The following AHCYL2 variants were observed in gnomAD, a reference collection of about 807,000 sequenced individuals.
AHCYL2 encodes S-adenosylhomocysteine hydrolase-like protein 2.
Under a neutral mutation model 81.4 loss-of-function variants are expected in AHCYL2, and 28 were observed. The ratio of observed to expected loss-of-function variants is 0.34; its 90% CI spans 0.25 to 0.47. AHCYL2 has a LOEUF of 0.47. AHCYL2 is among the 20% of genes least tolerant of loss of function. The pLI is 1.00. For missense variants in AHCYL2, 551 were observed against 785.1 expected, an observed-to-expected ratio of 0.70 and a Z score of 3.56; for synonymous variants, 272 against 290.2, an observed-to-expected ratio of 0.94 and a Z score of 0.64.
Position 129,413,640 on chromosome 7 carries a change from T to C in AHCYL2, c.1413T>C (p.Asn471=), listed in dbSNP as rs771999640. 6 of 1,614,066 alleles carry C rather than the reference T, an allele frequency of 3.7e-6. No homozygotes were observed. The African/African-American group carries it at 4.0e-5, about 11-fold the overall frequency. Residue 471 remains asparagine, a synonymous_variant, in exon 12 of 17, where the codon AAT becomes AAC. Coordinates refer to ENST00000325006, the MANE Select transcript of AHCYL2 (RefSeq NM_015328.4). The part of the protein sequence containing the change: ...VTREHLDRMK[N]SCIVCNMGHS... ...GAGAGCACTTGGACCGTATGAAGAA[T>C]AGCTGCATCGTTTGTAACATGGGAC...
intron 1 of AHCYL2, among the ~76,000 whole-genome samples, chr7:129,247,126 A>G (rs1795090257): frequency 6.6e-6 from 1 of 152,170 alleles, no homozygotes; most frequent in South Asian, 2.1e-4. Flanking sequence ...ATGTGTAATT[A>G]TTTCATATAA....
At chr7:129,380,932 A>C (rs941928336) in intron 2 of AHCYL2, among the ~76,000 whole-genome samples, 1 of 152,140 alleles carries the variant, frequency 6.6e-6, no homozygotes, top group Non-Finnish European at 1.5e-5. Flanking sequence ...GTAGAGATGG[A>C]ATCTCACCAT....
chr7:129,233,604 CA>C (rs1794528527), intron 1 of AHCYL2, among the ~76,000 whole-genome samples: 1 of 152,184 alleles, frequency 6.6e-6, no homozygotes, highest in South Asian at 2.1e-4. Flanking sequence ...TCTCCTGCCT[CA>C]GCCTCATGAG....
chr7:129,422,720 C>T, intron 12 of AHCYL2, 120 bp from the exon 13 acceptor site: 1 of 760,268 alleles, frequency 1.3e-6, no homozygotes, highest in Non-Finnish European at 2.2e-6. Context: ...CAGGTATTCT[C>T]CATCTGGCAT....
At chr7:129,246,461 C>G (rs1371016961) in intron 1 of AHCYL2, among the ~76,000 whole-genome samples, 1 of 152,138 alleles carries the variant, frequency 6.6e-6, no homozygotes, top group Non-Finnish European at 1.5e-5. Context: ...CTGATCCCAC[C>G]CTCTGCCCCA....
At chr7:129,253,283 GAGA>G (rs1437522200) in intron 1 of AHCYL2, among the ~76,000 whole-genome samples, 5 of 152,138 alleles carry the variant, frequency 3.3e-5, no homozygotes, top group African/African-American at 7.2e-5. Context: ...TCCCAATCTT[GAGA>G]AGAAGAAGGG....
chr7:129,275,721 A>G (rs535431925), intron 1 of AHCYL2, among the ~76,000 whole-genome samples: 1 of 152,338 alleles, frequency 6.6e-6, no homozygotes, highest in African/African-American at 2.4e-5. Context: ...ATAGAATACA[A>G]AATATGTAGA....
chr7:129,389,806 A>C, intron 4 of AHCYL2, 72 bp downstream of exon 4: 1 of 1,279,508 alleles, frequency 7.8e-7, no homozygotes. Flanking sequence ...AGCTTACAAC[A>C]TGCCAAGCAC....
At chr7:129,255,896 G>A (rs1247113106) in intron 1 of AHCYL2, among the ~76,000 whole-genome samples, 4 of 152,080 alleles carry the variant, frequency 2.6e-5, no homozygotes, top group African/African-American at 4.8e-5. Context: ...CCTGGAAAGC[G>A]GAGGTTGCAA....
chr7:129,426,402 G>C lies in AHCYL2; in HGVS notation c.1709-41G>C. ...TGGGGACAATAGCCATCAGATAAAA[G>C]GCATGAATGCTTATACCAGGGCTTC... On this transcript the variant is annotated intron_variant, in intron 15 of 16. Coordinates refer to ENST00000325006, the MANE Select transcript of AHCYL2 (RefSeq NM_015328.4). The surrounding 1 kb of genome is among the most constrained non-coding windows in gnomAD (Gnocchi z 4.3). 1 of 1,613,948 alleles carries C rather than the reference G, an allele frequency of 6.2e-7. No homozygotes were observed. Among genetic ancestry groups the C allele is most frequent in the Non-Finnish European group, 8.5e-7 (1 of 1,179,876 alleles).
intron 12 of AHCYL2, among the ~76,000 whole-genome samples, chr7:129,418,839 G>A (rs1043085264): frequency 2.0e-5 from 3 of 152,194 alleles, no homozygotes; most frequent in African/African-American, 4.8e-5. Flanking sequence ...ATTTCTGACT[G>A]TAGAAAGTGG....
intron 1 of AHCYL2, among the ~76,000 whole-genome samples, chr7:129,335,673 A>G (rs1798576179): frequency 6.6e-6 from 1 of 152,088 alleles, no homozygotes; most frequent in East Asian, 1.9e-4. Flanking sequence ...CTGGCAGTTG[A>G]TTTTGGCCAT....
At chr7:129,363,270 G>A (rs2150845777) in intron 1 of AHCYL2, among the ~76,000 whole-genome samples, 1 of 152,138 alleles carries the variant, frequency 6.6e-6, no homozygotes, top group Admixed American at 6.5e-5. Context: ...TATCTTCTAA[G>A]GCACATTATG....
At chr7:129,364,398 C>G (rs1794034913) in intron 1 of AHCYL2, among the ~76,000 whole-genome samples, 1 of 152,138 alleles carries the variant, frequency 6.6e-6, no homozygotes, top group African/African-American at 2.4e-5. Flanking sequence ...TCAAGCAATT[C>G]TCCTGCCTCA....
intron 1 of AHCYL2, among the ~76,000 whole-genome samples, chr7:129,258,230 A>AT (rs11379395): frequency 0.25 from 32,272 of 131,716 alleles, 4,617 homozygotes; most frequent in Non-Finnish European, 0.34. Context: ...ACAGTTCTCA[A>AT]TTTTTTTTTT....
At chr7:129,245,681 TTTCA>T (rs1795029655) in intron 1 of AHCYL2, among the ~76,000 whole-genome samples, 1 of 152,230 alleles carries the variant, frequency 6.6e-6, no homozygotes, top group Non-Finnish European at 1.5e-5. Context: ...CATGCCAGAA[TTTCA>T]TTCATTTTTC....
intron 1 of AHCYL2, among the ~76,000 whole-genome samples, chr7:129,310,454 T>C (rs193239088): frequency 1.5e-4 from 23 of 152,144 alleles, no homozygotes; most frequent in African/African-American, 5.3e-4. Context: ...TTTGAGGGAA[T>C]TGGTGAAGGA....
intron 1 of AHCYL2, among the ~76,000 whole-genome samples, chr7:129,296,222 A>T (rs1431553031): frequency 6.6e-6 from 1 of 152,238 alleles, no homozygotes; most frequent in Non-Finnish European, 1.5e-5. Flanking sequence ...AGATGGAAGT[A>T]AAAAATCAAG....
chr7:129,407,373 T>C (rs1796356509), intron 10 of AHCYL2, among the ~76,000 whole-genome samples: 1 of 152,106 alleles, frequency 6.6e-6, no homozygotes. Flanking sequence ...TATTCTATAT[T>C]ATACATTATA....
Sources: gnomAD v4.1 joint callset for allele counts (sites outside exome capture counted in the v4.1 genomes callset) on GRCh38, gnomAD v4.1.1 for gene constraint, Gnocchi (gnomAD v3.1) non-coding constraint, MANE v1.5 for transcripts, NCBI Gene and HGNC (gene_info 2026-07-23, HGNC 2026-07-21) for gene names.